PTGER1: variants seen among roughly 807,000 people sequenced by gnomAD.
PTGER1 encodes prostaglandin E2 receptor EP1 subtype.
In PTGER1, 15 loss-of-function variants were observed where a neutral mutation model predicts 18.5. The observed-to-expected ratio is 0.81, with a 90% CI of 0.54 to 1.25. PTGER1 has a LOEUF of 1.25. PTGER1 is among the 50% of genes most tolerant of loss of function. The pLI is 0.00. For missense variants in PTGER1, 567 were observed against 603.4 expected, an observed-to-expected ratio of 0.94 and a Z score of 0.63; for synonymous variants, 339 against 308.4, an observed-to-expected ratio of 1.10 and a Z score of -1.04.
Position 14,473,338 on chromosome 19 carries a change from G to A in PTGER1, c.942+41C>T, listed in dbSNP as rs1278454137. 5.8e-6 allele frequency: 9 copies of A among 1,549,868 alleles called. No individual in the cohort carries two copies. Among genetic ancestry groups the A allele is most frequent in the Non-Finnish European group, 6.9e-6 (8 of 1,152,098 alleles). ...AAGGGCGGGAGGGTGCCGAGAGGGA[G>A]CGGGAAGGAGCGTGGCTCGAGGGGC... On this transcript the variant is annotated intron_variant, in intron 2 of 2. Coordinates refer to ENST00000292513, the MANE Select transcript of PTGER1 (RefSeq NM_000955.3). The surrounding 1 kb of genome is among the most constrained non-coding windows in gnomAD (Gnocchi z 7.1).
rs199889200 is a variant in PTGER1, at chr19:14,472,705, C to A, written c.1064G>T (p.Arg355Leu). 1 of 1,611,700 alleles carries A rather than the reference C, an allele frequency of 6.2e-7. No individual in the cohort carries two copies. Among genetic ancestry groups the A allele is most frequent in the Non-Finnish European group, 8.5e-7 (1 of 1,179,004 alleles). ...AAGCAGTTGGCGCAGCACGGCCTGG[C>A]GCAGTAGGATGTACACCCAAGGGTC... is the stretch of plus-strand genomic sequence containing the variant. ...ILDPWVYILL[R>L]QAVLRQLLRL... Residue 355 changes from arginine to leucine, a missense_variant, in exon 3 of 3, where the codon CGC (arginine) becomes CTC (leucine). By Grantham distance (102) the Arg-to-Leu change is moderately radical. Transcript: ENST00000292513.
rs773019808 is a variant in PTGER1, at chr19:14,472,716, G to A, written c.1053C>T (p.Tyr351=). ...GCAGCACGGCCTGGCGCAGTAGGAT[G>A]TACACCCAAGGGTCCAGGATCTGGT... ...SWNQILDPWV[Y]ILLRQAVLRQ... Residue 351 remains tyrosine (Y), a synonymous_variant, in exon 3 of 3, where the codon TAC becomes TAT. Transcript: ENST00000292513. 1.9e-6 allele frequency: 3 copies of A among 1,611,316 alleles called. No individual in the cohort carries two copies. Among genetic ancestry groups the A allele is most frequent in the South Asian group, 1.1e-5 (1 of 90,782 alleles).
rs897316982 is a variant in PTGER1 at position 14,474,999 on chromosome 19, C to T, written c.-18+263G>A. ...ACCTCTGCCTCACCCTGGGTGCCCACGGTTCCACTCCATATCCCTGCCCCA... is the reference window on the plus strand; with the variant it reads ...ACCTCTGCCTCACCCTGGGTGCCCATGGTTCCACTCCATATCCCTGCCCCA... On this transcript the variant is annotated intron_variant, in intron 1 of 2. Transcript: ENST00000292513. This position sits in a 1 kb window ranked among gnomAD's most constrained non-coding sequence, Gnocchi z 5.4. 4.6e-5 allele frequency among the ~76,000 whole-genome samples: 7 copies of T among 152,304 alleles called. 1 individual carries two copies. Among genetic ancestry groups the T allele is most frequent in the African/African-American group, 1.4e-4 (6 of 41,568 alleles).
In PTGER1 at chr19:14,473,941, A is replaced by C. The variant is rs747377183; in HGVS notation, c.380T>G (p.Leu127Arg). The change falls in exon 2 of 3, where the codon CTG (leucine) becomes CGG (arginine). Residue 127 changes from leucine (L) to arginine (R), a missense_variant. Leu to Arg is a moderately radical substitution (Grantham distance 102, BLOSUM62 -2). Coordinates refer to ENST00000292513, the MANE Select transcript of PTGER1 (RefSeq NM_000955.3). The surrounding 1 kb of genome is among the most constrained non-coding windows in gnomAD (Gnocchi z 7.1). ...MVFFGLCPLL[L>R]GCGMAVERCV... ...GCGCTCCACGGCCATGCCACAGCCC[A>C]GCAGCAGCGGGCACAGGCCGAAGAA... The C allele has an allele frequency of 1.2e-5, 17 of 1,473,194 alleles. No homozygotes were observed. The highest frequency in any genetic ancestry group is 1.5e-5 in the Non-Finnish European group (17 of 1,116,894). 91.3% of individuals were successfully genotyped at this position (1,473,194 alleles called of 1,614,324 possible).
Position 14,473,377 on chromosome 19 carries a change from A to G in PTGER1, c.942+2T>C, listed in dbSNP as rs2071583961. On this transcript the variant is annotated splice_donor_variant, in intron 2 of 2. Coordinates refer to ENST00000292513, the MANE Select transcript of PTGER1 (RefSeq NM_000955.3). LOFTEE classifies it high-confidence loss of function. The surrounding 1 kb of genome is among the most constrained non-coding windows in gnomAD (Gnocchi z 7.1). ...GGCTCGAGGGGCCGGTGCGCCCCTC[A>G]CCAGCATTGGGCTCCAGCAGATGCA... 7.0e-6 allele frequency: 11 copies of G among 1,576,336 alleles called. No homozygotes were observed. Among genetic ancestry groups the G allele is most frequent in the Non-Finnish European group, 9.4e-6 (11 of 1,166,468 alleles).
In PTGER1 at chr19:14,474,002, C is replaced by G. The variant is rs1370319311; in HGVS notation, c.319G>C (p.Gly107Arg). 2.5e-5 allele frequency: 37 copies of G among 1,500,760 alleles called. No homozygotes were observed. The Middle Eastern group carries it at 6.2e-4, about 25-fold the overall frequency. The allele number at this position is 1,500,760 out of a possible 1,614,324, so 93.0% of individuals were successfully genotyped here. ...RLYTAGRAPA[G>R]GACHFLGGCM... ...CCGCCCAGGAAGTGGCAGGCCCCGC[C>G]GGCCGGAGCGCGCCCCGCAGTGTAC... Residue 107 changes from glycine to arginine, a missense_variant, in exon 2 of 3, where the codon GGC becomes CGC. Coordinates refer to ENST00000292513, the MANE Select transcript of PTGER1 (RefSeq NM_000955.3). The surrounding 1 kb of genome is among the most constrained non-coding windows in gnomAD (Gnocchi z 5.4).
Position 14,474,151 on chromosome 19 carries a change from A to G in PTGER1, c.170T>C (p.Leu57Pro). The G allele has an allele frequency of 6.9e-7, 1 of 1,447,218 alleles. No homozygotes were observed. Among genetic ancestry groups the G allele is most frequent in the Non-Finnish European group, 9.0e-7 (1 of 1,110,228 alleles). 89.6% of individuals were successfully genotyped at this position (1,447,218 alleles called of 1,614,324 possible). Residue 57 changes from leucine (L) to proline (P), a missense_variant, in exon 2 of 3, where the codon CTG becomes CCG. Transcript: ENST00000292513. The surrounding 1 kb of genome is among the most constrained non-coding windows in gnomAD (Gnocchi z 5.4). The part of the protein sequence containing the change: ...AVSNLLALAL[L>P]AQAAGRLRRR... ...TCGCAGGCGGCCCGCGGCCTGCGCCAGCAGCGCCAGCGCCAGCAGGTTGGA... is the reference window on the plus strand; with the variant it reads ...TCGCAGGCGGCCCGCGGCCTGCGCCGGCAGCGCCAGCGCCAGCAGGTTGGA...
intron 2 of PTGER1, 94 bp from the exon 3 acceptor site, chr19:14,472,920 G>A (rs532948814): frequency 6.8e-5 from 87 of 1,281,106 alleles, no homozygotes; most frequent in Non-Finnish European, 8.7e-5. Context: ...AAGCCTGGGA[G>A]GAGGGGCGAG....
At position 14,474,147 on chromosome 19, in the gene PTGER1, C is replaced by T; in HGVS notation, c.174G>A (p.Ala58=). 1 of 1,450,606 alleles carries T rather than the reference C, an allele frequency of 6.9e-7. No homozygotes were observed. Among genetic ancestry groups the T allele is most frequent in the South Asian group, 1.4e-5 (1 of 73,834 alleles). The allele number at this position is 1,450,606 out of a possible 1,614,324, so 89.9% of individuals were successfully genotyped here. A position where few individuals can be genotyped will look rare whatever the true frequency, so the allele number is the denominator to read the frequency against. The change falls in exon 2 of 3, where the codon GCG becomes GCA. Residue 58 remains alanine, a synonymous_variant. Transcript: ENST00000292513. The surrounding 1 kb of genome is among the most constrained non-coding windows in gnomAD (Gnocchi z 5.4). ...GGCGTCGCAGGCGGCCCGCGGCCTGCGCCAGCAGCGCCAGCGCCAGCAGGT... is the reference window on the plus strand; with the variant it reads ...GGCGTCGCAGGCGGCCCGCGGCCTGTGCCAGCAGCGCCAGCGCCAGCAGGT... ...VSNLLALALL[A]QAAGRLRRRR...
rs1413099572 is a variant in PTGER1 at position 14,474,170 on chromosome 19, G to C, written c.151C>G (p.Leu51Val). The C allele has an allele frequency of 6.7e-7, 1 of 1,496,530 alleles. No individual in the cohort carries two copies. The highest frequency in any genetic ancestry group is 2.2e-5 in the Admixed American group (1 of 45,580). The allele number at this position is 1,496,530 out of a possible 1,614,324, so 92.7% of individuals were successfully genotyped here. ...FSMTLGAVSN[L>V]LALALLAQAA... Reference sequence around the variant, plus strand: ...TGCGCCAGCAGCGCCAGCGCCAGCAGGTTGGACACGGCGCCCAGCGTCATG... The same window carrying C: ...TGCGCCAGCAGCGCCAGCGCCAGCACGTTGGACACGGCGCCCAGCGTCATG... The change falls in exon 2 of 3, where the codon CTG (leucine) becomes GTG (valine). Residue 51 changes from leucine (L) to valine (V), a missense_variant. Transcript: ENST00000292513. This position sits in a 1 kb window ranked among gnomAD's most constrained non-coding sequence, Gnocchi z 5.4.
Position 14,473,691 on chromosome 19 carries a change from G to A in PTGER1, c.630C>T (p.Leu210=), listed in dbSNP as rs1447675748. ...GCGCGGCGAGGAGCGCGACCAGGCC[G>A]AGGCTGGCGAAGAGGCCAGCAAGCA... ...QALLAGLFAS[L]GLVALLAALV... is the part of the protein sequence containing the mutation. The change falls in exon 2 of 3, where the codon CTC becomes CTT. Residue 210 remains leucine (L), a synonymous_variant. Transcript: ENST00000292513. This position sits in a 1 kb window ranked among gnomAD's most constrained non-coding sequence, Gnocchi z 7.1. 2.7e-6 allele frequency: 4 copies of A among 1,476,212 alleles called. No individual in the cohort carries two copies. The highest frequency in any genetic ancestry group is 3.6e-6 in the Non-Finnish European group (4 of 1,120,164). The allele number at this position is 1,476,212 out of a possible 1,614,324, so 91.4% of individuals were successfully genotyped here.
In PTGER1 at chr19:14,474,251, G is replaced by A; in HGVS notation, c.70C>T (p.Pro24Ser). The change falls in exon 2 of 3, where the codon CCC (proline) becomes TCC (serine). Residue 24 changes from proline to serine, a missense_variant. Coordinates refer to ENST00000292513, the MANE Select transcript of PTGER1 (RefSeq NM_000955.3). This position sits in a 1 kb window ranked among gnomAD's most constrained non-coding sequence, Gnocchi z 5.4. Reference sequence around the variant, plus strand: ...GACGGCGGCACGGCCGACGTGTTGGGGACCCAGGGCGCCGCGCATGTGGTC... The same window carrying A: ...GACGGCGGCACGGCCGACGTGTTGGAGACCCAGGGCGCCGCGCATGTGGTC... ...EATTCAAPWV[P>S]NTSAVPPSGA... The A allele has an allele frequency of 1.3e-6, 2 of 1,530,418 alleles. No individual in the cohort carries two copies. The highest frequency in any genetic ancestry group is 1.7e-6 in the Non-Finnish European group (2 of 1,144,560). 94.8% of individuals were successfully genotyped at this position (1,530,418 alleles called of 1,614,324 possible). A position where few individuals can be genotyped will look rare whatever the true frequency, so the allele number is the denominator to read the frequency against.
rs1023690861 is a variant in PTGER1, at chr19:14,473,116, G to A, written c.942+263C>T. On this transcript the variant is annotated intron_variant, in intron 2 of 2. Transcript: ENST00000292513. This position sits in a 1 kb window ranked among gnomAD's most constrained non-coding sequence, Gnocchi z 7.1. ...GGAATGAAGCGCGGCGACTTATAAC[G>A]GTGGGGCAGGAGAGGAGGCTTGTGT... Among the ~76,000 whole-genome samples, 23 of 152,018 alleles carry A rather than the reference G, an allele frequency of 1.5e-4. No homozygotes were observed. The highest frequency in any genetic ancestry group is 1.4e-3 in the Admixed American group (22 of 15,274).
Position 14,473,411 on chromosome 19 carries a change from C to T in PTGER1, c.910G>A (p.Val304Met), listed in dbSNP as rs1466183135. The change falls in exon 2 of 3, where the codon GTG becomes ATG. Residue 304 changes from valine (V) to methionine (M), a missense_variant. Physicochemically the swap from Val to Met is conservative, Grantham distance 21. Coordinates refer to ENST00000292513, the MANE Select transcript of PTGER1 (RefSeq NM_000955.3). The surrounding 1 kb of genome is among the most constrained non-coding windows in gnomAD (Gnocchi z 7.1). ...GGGCTCCAGCAGATGCACGACACCA[C>T]CATGATACCGACAAGCTGGCCCACC... is the stretch of plus-strand genomic sequence containing the variant. ...EMVGQLVGIM[V>M]VSCICWSPML... is the part of the protein sequence containing the mutation. 1.9e-6 allele frequency: 3 copies of T among 1,598,054 alleles called. No individual in the cohort carries two copies. The highest frequency in any genetic ancestry group is 1.1e-5 in the South Asian group (1 of 89,150).
At position 14,473,217 on chromosome 19, in the gene PTGER1, GAGA is replaced by G. The variant is rs2071582229; in HGVS notation, c.942+159_942+161del. ...AGGAGGAAGGATGGGAGGTCAGATG[GAGA>G]AGGCGATGCTGGCTTTCGGGGCAGG... On this transcript the variant is annotated intron_variant, in intron 2 of 2. Transcript: ENST00000292513. The surrounding 1 kb of genome is among the most constrained non-coding windows in gnomAD (Gnocchi z 7.1). 1.3e-5 allele frequency among the ~76,000 whole-genome samples: 2 copies of G among 152,186 alleles called. No homozygotes were observed. The highest frequency in any genetic ancestry group is 4.8e-5 in the African/African-American group (2 of 41,452).
At chr19:14,472,924 G>A in intron 2 of PTGER1, 98 bp from the exon 3 acceptor site, 2 of 1,251,156 alleles carry the variant, frequency 1.6e-6, no homozygotes, top group Non-Finnish European at 2.2e-6. Context: ...CTGGGAGGAG[G>A]GGCGAGCCGT....
chr19:14,472,842 G>T lies in PTGER1; in HGVS notation c.943-16C>A. ...CCACCAACACCTGCGGGGGAAGCCG[G>T]TGTGAGCTATAGAGCAGGCGCGGGC... On this transcript the variant is annotated splice_polypyrimidine_tract_variant and intron_variant, in intron 2 of 2. Coordinates refer to ENST00000292513, the MANE Select transcript of PTGER1 (RefSeq NM_000955.3). The T allele has an allele frequency of 6.5e-7, 1 of 1,543,484 alleles. No individual in the cohort carries two copies. Among genetic ancestry groups the T allele is most frequent in the Non-Finnish European group, 8.7e-7 (1 of 1,147,372 alleles).
Position 14,473,841 on chromosome 19 carries a change from C to A in PTGER1, c.480G>T (p.Ala160=). ...CCACGGCCAAGGCCACCGCGGCCAC[C>A]GCGGCCAGCGCCAGGCGCGCGCGGG... The part of the protein sequence containing the change: ...SVARARLALA[A]VAAVALAVAL... Residue 160 remains alanine (A), a synonymous_variant, in exon 2 of 3, where the codon GCG becomes GCT. Transcript: ENST00000292513. This position sits in a 1 kb window ranked among gnomAD's most constrained non-coding sequence, Gnocchi z 7.1. 8.0e-7 allele frequency: 1 copy of A among 1,247,182 alleles called. No homozygotes were observed. Among genetic ancestry groups the A allele is most frequent in the Non-Finnish European group, 1.0e-6 (1 of 1,001,400 alleles). 77.3% of individuals were successfully genotyped at this position (1,247,182 alleles called of 1,614,324 possible). A position where few individuals can be genotyped will look rare whatever the true frequency, so the allele number is the denominator to read the frequency against.
In PTGER1 at chr19:14,473,323, G is replaced by T; in HGVS notation, c.942+56C>A. Reference sequence around the variant, plus strand: ...TGTCCTGGGACGACAAAGGGCGGGAGGGTGCCGAGAGGGAGCGGGAAGGAG... The same window carrying T: ...TGTCCTGGGACGACAAAGGGCGGGATGGTGCCGAGAGGGAGCGGGAAGGAG... On this transcript the variant is annotated intron_variant, in intron 2 of 2. Transcript: ENST00000292513. This position sits in a 1 kb window ranked among gnomAD's most constrained non-coding sequence, Gnocchi z 7.1. 6.5e-7 allele frequency: 1 copy of T among 1,540,676 alleles called. No homozygotes were observed.
Sources: gnomAD v4.1 joint callset for allele counts (sites outside exome capture counted in the v4.1 genomes callset) on GRCh38, gnomAD v4.1.1 for gene constraint, Gnocchi (gnomAD v3.1) non-coding constraint, MANE v1.5 for transcripts, NCBI Gene and HGNC (gene_info 2026-07-23, HGNC 2026-07-21) for gene names.